PIGN: variants seen among roughly 807,000 people sequenced by gnomAD.
PIGN encodes phosphatidylinositol glycan anchor biosynthesis class N, also known as GPI ethanolamine phosphate transferase 1.
PIGN carries 117 observed loss-of-function variants against 125.4 expected under a neutral mutation model. The observed-to-expected ratio is 0.93, with a 90% CI of 0.80 to 1.09. The LOEUF is 1.09. PIGN is among the 50% of genes least tolerant of loss of function. The pLI, the probability that PIGN is intolerant of heterozygous loss-of-function variation, is 0.00. For synonymous variants in PIGN, 392 were observed against 377.8 expected (o/e 1.04, Z -0.44); for missense variants, 1,075 against 1,094.9 (o/e 0.98, Z 0.26).
At chr18:62,021,669 C>A (rs1003827065) in intron 23 of PIGN, among the ~76,000 whole-genome samples, 2 of 152,204 alleles carry the variant, frequency 1.3e-5, no homozygotes, top group African/African-American at 4.8e-5. Flanking sequence ...ACTAAGTCAA[C>A]GTTTTATTGG....
chr18:62,163,606 A>G lies in PIGN; in HGVS notation c.-185T>C, dbSNP rs937348355. On this transcript the variant is annotated 5_prime_UTR_variant, in exon 2 of 31. Transcript: ENST00000640252. ...TCTATGTTCAAAATTATAGGTCTCC[A>G]AAGGCTACAGCTCATCTCACTTTGC... 1.3e-5 allele frequency: 2 copies of G among 152,214 alleles called. No homozygotes were observed. The highest frequency in any genetic ancestry group is 4.8e-5 in the African/African-American group (2 of 41,456). 9.4% of individuals were successfully genotyped at this position (152,214 alleles called of 1,614,324 possible).
chr18:62,158,587 C>G (rs1289092166), intron 4 of PIGN, among the ~76,000 whole-genome samples: 1 of 152,146 alleles, frequency 6.6e-6, no homozygotes, highest in Non-Finnish European at 1.5e-5. Flanking sequence ...ACAAGTGGTG[C>G]TATTATAGGT....
chr18:62,019,550 T>A (rs2030026087), intron 23 of PIGN, among the ~76,000 whole-genome samples: 1 of 152,176 alleles, frequency 6.6e-6, no homozygotes, highest in Admixed American at 6.5e-5. Context: ...AAATCCACCT[T>A]AATAACCCTT....
intron 30 of PIGN, among the ~76,000 whole-genome samples, chr18:62,072,068 G>A (rs2032911572): frequency 6.7e-6 from 1 of 148,948 alleles, no homozygotes. Context: ...AGGCCTAGGT[G>A]AATGTGTGTG....
intron 30 of PIGN, among the ~76,000 whole-genome samples, chr18:62,071,863 C>CATATATATATATATATAT (rs61508545): frequency 2.6e-5 from 2 of 77,604 alleles, no homozygotes; most frequent in Non-Finnish European, 2.6e-5. Context: ...ACTCCTTTTC[C>CATATATATATATATATAT]ATATATATAT....
chr18:62,086,309 G>A (rs1199742712), intron 25 of PIGN, among the ~76,000 whole-genome samples: 1 of 152,140 alleles, frequency 6.6e-6, no homozygotes, highest in African/African-American at 2.4e-5. Flanking sequence ...ATATAGACTG[G>A]TGGCATATTA....
chr18:62,092,816 A>G (rs2034023243), intron 23 of PIGN, among the ~76,000 whole-genome samples: 1 of 152,090 alleles, frequency 6.6e-6, no homozygotes, highest in African/African-American at 2.4e-5. Flanking sequence ...AATATTTACA[A>G]TGCTTGTATC....
At chr18:62,152,324 A>C (rs1010817339) in intron 7 of PIGN, among the ~76,000 whole-genome samples, 12 of 151,878 alleles carry the variant, frequency 7.9e-5, no homozygotes, top group Middle Eastern at 6.8e-3. Context: ...ATTATACTTT[A>C]AGTTTTAGGG....
At chr18:62,148,440 T>C in intron 7 of PIGN, 102 bp from the exon 8 acceptor site, 2 of 774,618 alleles carry the variant, frequency 2.6e-6, no homozygotes, top group Non-Finnish European at 3.9e-6. Context: ...CAAAATTAAA[T>C]TATCTCACGT....
intron 14 of PIGN, among the ~76,000 whole-genome samples, chr18:62,124,066 T>C (rs2146833466): frequency 6.6e-6 from 1 of 152,256 alleles, no homozygotes; most frequent in East Asian, 1.9e-4. Context: ...GTTATGACAC[T>C]AAACTTGTTG....
intron 30 of PIGN, chr18:62,070,183 A>C: frequency 2.6e-6 from 1 of 384,242 alleles, no homozygotes; most frequent in Non-Finnish European, 4.6e-6. Context: ...GTCACTTAGC[A>C]AAGGTTTCAC....
At chr18:62,153,914 T>C (rs921791251) in intron 7 of PIGN, 1 of 152,130 alleles carries the variant, frequency 6.6e-6, no homozygotes, top group African/African-American at 2.4e-5. Context: ...TATTTGGAGA[T>C]GAGGAATAAT....
chr18:62,104,070 GC>G lies in PIGN; in HGVS notation c.1860-1169del, dbSNP rs558170585. Among the ~76,000 whole-genome samples, 10 of 152,242 alleles carry G rather than the reference GC, an allele frequency of 6.6e-5. No individual in the cohort carries two copies. In the East Asian group the frequency reaches 1.3e-3, roughly 21 times the overall value. On this transcript the variant is annotated intron_variant, in intron 20 of 30. Coordinates refer to ENST00000640252, the MANE Select transcript of PIGN (RefSeq NM_176787.5). ...TTGTGATTTTCTGAAGAAGGGAGAT[GC>G]TGTGACAGATGAAAAGGAGAGTAGA...
chr18:62,066,975 G>A lies in PIGN; in HGVS notation c.2672+5698C>T, dbSNP rs2032555944. On this transcript the variant is annotated intron_variant, in intron 30 of 30. Transcript: ENST00000640252. ...CTAATTAAACTTGAAAGAGTGGTCTGTACTTAGAACTCTACTTCCTGACCT... is the reference window on the plus strand; with the variant it reads ...CTAATTAAACTTGAAAGAGTGGTCTATACTTAGAACTCTACTTCCTGACCT... 2.6e-5 allele frequency among the ~76,000 whole-genome samples: 4 copies of A among 152,232 alleles called. No homozygotes were observed. In the South Asian group the frequency reaches 8.3e-4, roughly 32 times the overall value.
chr18:62,090,152 T>C (rs1293876817), intron 24 of PIGN, among the ~76,000 whole-genome samples: 1 of 152,066 alleles, frequency 6.6e-6, no homozygotes, highest in East Asian at 1.9e-4. Context: ...GAAGGAAAAA[T>C]TGGATGTGAA....
intron 23 of PIGN, among the ~76,000 whole-genome samples, chr18:62,018,375 T>C (rs546064385): frequency 6.6e-6 from 1 of 152,354 alleles, no homozygotes; most frequent in Non-Finnish European, 1.5e-5. Flanking sequence ...GTTTGATCCG[T>C]ACACATGTAA....
intron 4 of PIGN, among the ~76,000 whole-genome samples, chr18:62,160,153 G>A (rs1164773522): frequency 3.9e-5 from 6 of 152,068 alleles, no homozygotes; most frequent in Non-Finnish European, 8.8e-5. Flanking sequence ...TAAAATGATA[G>A]GAGGTAATGA....
chr18:62,147,160 A>C (rs2036365256), intron 8 of PIGN, 59 bp from the exon 9 acceptor site: 1 of 1,510,510 alleles, frequency 6.6e-7, no homozygotes, highest in African/African-American at 1.4e-5. Context: ...AAATTTATTC[A>C]ACGTGGATTC....
chr18:62,047,295 G>A (rs564012390), intron 30 of PIGN, among the ~76,000 whole-genome samples: 12 of 152,288 alleles, frequency 7.9e-5, no homozygotes, highest in South Asian at 6.2e-4. Flanking sequence ...GAGGAGGGAA[G>A]CTGGTACTTC....
Sources: allele counts gnomAD v4.1 joint callset (sites outside exome capture counted in the v4.1 genomes callset), GRCh38; gene constraint gnomAD v4.1.1; transcripts MANE v1.5; gene names NCBI Gene and HGNC (gene_info 2026-07-23, HGNC 2026-07-21).